The following PSD3 variants were observed in gnomAD, a reference collection of about 807,000 sequenced individuals.
PSD3 encodes PH and SEC7 domain-containing protein 3.
A neutral mutation model predicts 105.5 loss-of-function variants in PSD3; 49 were observed. That is an observed-to-expected ratio of 0.46 (90% confidence interval 0.37 to 0.59). PSD3 has a LOEUF of 0.59. Among genes scored for constraint, PSD3 ranks in the 20% least tolerant of loss-of-function variants. The pLI is 0.00. For synonymous variants in PSD3, 557 were observed against 457.8 expected (o/e 1.22, Z -2.77); for missense variants, 1,561 against 1,263.8 (o/e 1.24, Z -3.57).
At chr8:18,953,304 T>A (rs1181276654) in intron 1 of PSD3, among the ~76,000 whole-genome samples, 1 of 133,064 alleles carries the variant, frequency 7.5e-6, no homozygotes, top group Non-Finnish European at 1.7e-5. Flanking sequence ...TCTCTCCATA[T>A]GTGTGTGTAT....
At chr8:18,934,668 C>A (rs1003053803) in intron 2 of PSD3, among the ~76,000 whole-genome samples, 1 of 152,140 alleles carries the variant, frequency 6.6e-6, no homozygotes, top group African/African-American at 2.4e-5. Context: ...ACATAAGTCA[C>A]TATAATCCCA....
chr8:18,673,713 G>A (rs1048851716), intron 9 of PSD3, among the ~76,000 whole-genome samples: 3 of 152,172 alleles, frequency 2.0e-5, no homozygotes, highest in Admixed American at 6.5e-5. Context: ...GAGACGCCCT[G>A]CTGTGAAACG....
Position 18,533,457 on chromosome 8 carries a change from T to C in PSD3, c.*2286A>G, listed in dbSNP as rs1799709955. 1 of 152,228 alleles carries C rather than the reference T, an allele frequency of 6.6e-6. No homozygotes were observed. Among genetic ancestry groups the C allele is most frequent in the South Asian group, 2.1e-4 (1 of 4,822 alleles). The allele number at this position is 152,228 out of a possible 1,614,324, so 9.4% of individuals were successfully genotyped here. On this transcript the variant is annotated 3_prime_UTR_variant, in exon 16 of 16. Transcript: ENST00000327040. Reference sequence around the variant, plus strand: ...CCCTGGAGTTAATATTAGTGACTCATATGACACGGACAGTGCTATAGTGGT... The same window carrying C: ...CCCTGGAGTTAATATTAGTGACTCACATGACACGGACAGTGCTATAGTGGT...
chr8:18,986,321 T>A (rs1327862023), intron 1 of PSD3, among the ~76,000 whole-genome samples: 2 of 152,166 alleles, frequency 1.3e-5, no homozygotes, highest in Non-Finnish European at 2.9e-5. Context: ...TTCACTTGTT[T>A]TTGTTAGTGC....
intron 4 of PSD3, among the ~76,000 whole-genome samples, chr8:18,805,499 T>C (rs1489500807): frequency 1.3e-5 from 2 of 152,210 alleles, no homozygotes; most frequent in Non-Finnish European, 2.9e-5. Flanking sequence ...ATTGTGGATA[T>C]TCTTTTTTGA....
chr8:18,888,904 C>G (rs1431354179), intron 2 of PSD3, among the ~76,000 whole-genome samples: 1 of 152,130 alleles, frequency 6.6e-6, no homozygotes, highest in Non-Finnish European at 1.5e-5. Flanking sequence ...GAAGATGGAG[C>G]TGGAAGTGAA....
At chr8:18,949,944 T>A (rs1352180968) in intron 1 of PSD3, among the ~76,000 whole-genome samples, 2 of 152,212 alleles carry the variant, frequency 1.3e-5, no homozygotes, top group Non-Finnish European at 2.9e-5. Context: ...TTAATACTCC[T>A]GTCAATTACC....
intron 4 of PSD3, among the ~76,000 whole-genome samples, chr8:18,838,299 A>T (rs1814301810): frequency 6.6e-6 from 1 of 152,238 alleles, no homozygotes; most frequent in Admixed American, 6.5e-5. Context: ...CCTAAAGGTC[A>T]GCAATGCCTC....
intron 10 of PSD3, among the ~76,000 whole-genome samples, chr8:18,652,445 T>C (rs982053630): frequency 6.7e-6 from 1 of 148,998 alleles, no homozygotes. Context: ...CACAGTGTTA[T>C]AAATAATTAT....
intron 12 of PSD3, among the ~76,000 whole-genome samples, chr8:18,591,032 T>G (rs78646091): frequency 0.037 from 5,565 of 152,160 alleles, 298 homozygotes; most frequent in East Asian, 0.22. Context: ...CCAGCTCCCA[T>G]CTCCCCAATA....
intron 9 of PSD3, among the ~76,000 whole-genome samples, chr8:18,752,537 TTATATATATTATATATA>T (rs1409581492): frequency 6.5e-5 from 2 of 30,880 alleles, no homozygotes; most frequent in Non-Finnish European, 9.4e-5. Flanking sequence ...TAATTATATA[TTATATATATTATATATA>T]ATTATATATA....
intron 11 of PSD3, among the ~76,000 whole-genome samples, chr8:18,627,624 G>C (rs952227183): frequency 6.6e-6 from 1 of 151,978 alleles, no homozygotes; most frequent in Non-Finnish European, 1.5e-5. Flanking sequence ...GACTGCTCTG[G>C]ATCCACCAGA....
At chr8:18,930,569 ATTTTTTT>A (rs5889836) in intron 2 of PSD3, among the ~76,000 whole-genome samples, 1 of 133,092 alleles carries the variant, frequency 7.5e-6, no homozygotes, top group East Asian at 2.3e-4. Context: ...AACTTTTTCA[ATTTTTTT>A]TTTTTTTTTT....
At chr8:18,705,631 G>A (rs1291601776) in intron 9 of PSD3, among the ~76,000 whole-genome samples, 2 of 150,808 alleles carry the variant, frequency 1.3e-5, no homozygotes, top group Non-Finnish European at 1.5e-5. Flanking sequence ...AATACATATT[G>A]ATATGTAAAG....
chr8:18,810,158 T>C (rs935574019), intron 4 of PSD3, among the ~76,000 whole-genome samples: 6 of 152,146 alleles, frequency 3.9e-5, no homozygotes, highest in Non-Finnish European at 7.4e-5. Context: ...CATGCCAAAT[T>C]CTGTGAACTC....
chr8:18,961,249 A>G (rs1823894834), intron 1 of PSD3, among the ~76,000 whole-genome samples: 1 of 152,236 alleles, frequency 6.6e-6, no homozygotes, highest in East Asian at 1.9e-4. Context: ...TGATGGTGGA[A>G]ACAACACTCT....
chr8:18,986,661 C>T (rs1825509842), intron 1 of PSD3, among the ~76,000 whole-genome samples: 1 of 151,924 alleles, frequency 6.6e-6, no homozygotes, highest in Non-Finnish European at 1.5e-5. Flanking sequence ...ATTACTATGG[C>T]TCTTTTTGAA....
chr8:18,854,696 T>C (rs1231945780), intron 4 of PSD3, among the ~76,000 whole-genome samples: 1 of 152,202 alleles, frequency 6.6e-6, no homozygotes, highest in Admixed American at 6.5e-5. Flanking sequence ...TTTAAGTCAT[T>C]AATATTATAC....
chr8:18,708,112 G>C (rs966045881), intron 9 of PSD3, among the ~76,000 whole-genome samples: 2 of 152,152 alleles, frequency 1.3e-5, no homozygotes, highest in African/African-American at 4.8e-5. Context: ...AGGGGAGAAA[G>C]GGAAAACAGA....
Sources: allele counts gnomAD v4.1 joint callset (sites outside exome capture counted in the v4.1 genomes callset), GRCh38; gene constraint gnomAD v4.1.1; transcripts MANE v1.5; gene names NCBI Gene and HGNC (gene_info 2026-07-23, HGNC 2026-07-21).